Variants in PPP2R2C observed in about 807,000 individuals in gnomAD.
PPP2R2C encodes the protein protein phosphatase 2 regulatory subunit Bgamma.
Under a neutral mutation model 45.3 loss-of-function variants are expected in PPP2R2C, and 10 were observed. The ratio of observed to expected loss-of-function variants is 0.22; its 90% CI spans 0.14 to 0.37. The LOEUF (loss-of-function observed/expected upper bound fraction) is 0.37. Ranked by LOEUF, PPP2R2C falls within the 10% of genes least tolerant of loss-of-function variation. The pLI is 1.00. For missense variants in PPP2R2C, 308 were observed against 619.7 expected, an observed-to-expected ratio of 0.50 and a Z score of 5.34; for synonymous variants, 257 against 245.4, an observed-to-expected ratio of 1.05 and a Z score of -0.44.
At position 6,329,452 on chromosome 4, in the gene PPP2R2C, T is replaced by C; in HGVS notation, c.961-99A>G. Reference sequence around the variant, plus strand: ...AAGAGCAGCGAGGGTCTGCATGCCCTGACATGGCCCAGCGCAGACCTGCTC... The same window carrying C: ...AAGAGCAGCGAGGGTCTGCATGCCCCGACATGGCCCAGCGCAGACCTGCTC... On this transcript the variant is annotated intron_variant, in intron 7 of 8. Coordinates refer to ENST00000382599, the MANE Select transcript of PPP2R2C (RefSeq NM_020416.4). The surrounding 1 kb of genome is among the most constrained non-coding windows in gnomAD (Gnocchi z 5.8). The C allele has an allele frequency of 9.8e-7, 1 of 1,018,732 alleles. No individual in the cohort carries two copies. Among genetic ancestry groups the C allele is most frequent in the South Asian group, 1.3e-5 (1 of 74,598 alleles). 63.1% of individuals were successfully genotyped at this position (1,018,732 alleles called of 1,614,324 possible).
intron 2 of PPP2R2C, among the ~76,000 whole-genome samples, chr4:6,480,533 T>C (rs1241344811): frequency 6.6e-6 from 1 of 152,244 alleles, no homozygotes; most frequent in Non-Finnish European, 1.5e-5. Flanking sequence ...ATACCATTAA[T>C]GTATTATTTC....
intron 1 of PPP2R2C, among the ~76,000 whole-genome samples, chr4:6,428,719 CCAGGGGCTGGA>C (rs1719463811): frequency 6.6e-6 from 1 of 152,240 alleles, no homozygotes; most frequent in South Asian, 2.1e-4. Context: ...ATACCACCCA[CCAGGGGCTGGA>C]CCCCTTGCTG....
At chr4:6,453,233 G>A (rs190943266) in intron 1 of PPP2R2C, among the ~76,000 whole-genome samples, 5 of 152,262 alleles carry the variant, frequency 3.3e-5, no homozygotes, top group East Asian at 1.9e-4. Context: ...AGGGCCCACC[G>A]CAGGTCACAA....
rs77669605 is a variant in PPP2R2C, at chr4:6,426,542, T to C, written c.71-45448A>G. Among the ~76,000 whole-genome samples, 1,283 of 152,342 alleles carry C rather than the reference T, an allele frequency of 8.4e-3. 18 individuals are homozygous for C. The highest frequency in any genetic ancestry group is 0.029 in the African/African-American group (1,204 of 41,576). On this transcript the variant is annotated intron_variant, in intron 1 of 8. Transcript: ENST00000382599. Reference sequence around the variant, plus strand: ...GAAATGTGTAATCACTGGAGATATTTACACCTGCATGGCAATTGTGGTCCT... The same window carrying C: ...GAAATGTGTAATCACTGGAGATATTCACACCTGCATGGCAATTGTGGTCCT...
Position 6,550,378 on chromosome 4 carries a change from G to GC in PPP2R2C, c.-59+13181dup, listed in dbSNP as rs529097034. Among the ~76,000 whole-genome samples the GC allele has an allele frequency of 2.0e-5, 3 of 152,146 alleles. No homozygotes were observed. The South Asian group carries it at 6.2e-4, about 32-fold the overall frequency. On this transcript the variant is annotated intron_variant, in intron 1 of 9. Coordinates refer to the PPP2R2C transcript ENST00000506140. ...CAAGACACCCCCACTACCCTCTGCA[G>GC]CCTCAGCTCTCACTGCTTCCTCCCG...
At chr4:6,403,152 AC>A (rs1377298136) in intron 1 of PPP2R2C, among the ~76,000 whole-genome samples, 3 of 152,206 alleles carry the variant, frequency 2.0e-5, no homozygotes, top group Admixed American at 2.0e-4. Flanking sequence ...GTGCCTCCCC[AC>A]GTGGGTGGGA....
chr4:6,411,318 G>C (rs566317376), intron 1 of PPP2R2C, among the ~76,000 whole-genome samples: 23 of 152,272 alleles, frequency 1.5e-4, no homozygotes, highest in African/African-American at 5.5e-4. Flanking sequence ...CCCACTAGGA[G>C]GACCCTGCTG....
chr4:6,361,004 T>G (rs775409450), intron 5 of PPP2R2C, among the ~76,000 whole-genome samples: 2 of 152,212 alleles, frequency 1.3e-5, no homozygotes, highest in African/African-American at 2.4e-5. Flanking sequence ...GGGTCTACCC[T>G]GCCAGCCTTA....
chr4:6,554,969 GAAAGA>G (rs1445132243), intron 1 of PPP2R2C, among the ~76,000 whole-genome samples: 34 of 125,866 alleles, frequency 2.7e-4, no homozygotes, highest in South Asian at 5.5e-4. Flanking sequence ...GAAAGAAAGA[GAAAGA>G]AAGAAAAGAG....
intron 2 of PPP2R2C, among the ~76,000 whole-genome samples, chr4:6,519,615 A>C (rs868489522): frequency 6.6e-5 from 10 of 152,206 alleles, no homozygotes; most frequent in African/African-American, 2.4e-4. Context: ...AGGCATGTAC[A>C]TTCAGCCCCA....
At chr4:6,333,333 G>T (rs1374076786) in intron 7 of PPP2R2C, among the ~76,000 whole-genome samples, 1 of 152,192 alleles carries the variant, frequency 6.6e-6, no homozygotes, top group East Asian at 1.9e-4. Context: ...GCCCTGGACT[G>T]CAGGCCTTGC....
At chr4:6,355,710 G>A (rs1463861771) in intron 5 of PPP2R2C, among the ~76,000 whole-genome samples, 2 of 152,120 alleles carry the variant, frequency 1.3e-5, no homozygotes, top group South Asian at 2.1e-4. Flanking sequence ...TGCTGTGCTG[G>A]CCGGGCATGG....
chr4:6,408,371 T>C (rs1300523453), intron 1 of PPP2R2C, among the ~76,000 whole-genome samples: 1 of 152,166 alleles, frequency 6.6e-6, no homozygotes, highest in Non-Finnish European at 1.5e-5. Flanking sequence ...CTTCACTGCA[T>C]GATCACATCC....
intron 1 of PPP2R2C, among the ~76,000 whole-genome samples, chr4:6,390,950 G>C (rs1280931776): frequency 1.3e-5 from 2 of 152,192 alleles, no homozygotes; most frequent in African/African-American, 4.8e-5. Flanking sequence ...GGTGGAGATG[G>C]GGCAGCTCCC....
rs971345260 is a variant in PPP2R2C at position 6,383,172 on chromosome 4, C to T, written c.71-2078G>A. On this transcript the variant is annotated intron_variant, in intron 1 of 8. Coordinates refer to ENST00000382599, the MANE Select transcript of PPP2R2C (RefSeq NM_020416.4). ...TCAACGCCTCTGGCGGTACCAGGAG[C>T]AGGACCTGCGCAGGCTGGCCCACTG... 8.5e-6 allele frequency: 10 copies of T among 1,176,026 alleles called. No individual in the cohort carries two copies. In the South Asian group the frequency reaches 1.6e-4, roughly 19 times the overall value. The allele number at this position is 1,176,026 out of a possible 1,614,324, so 72.8% of individuals were successfully genotyped here.
chr4:6,408,689 A>G (rs1717961891), intron 1 of PPP2R2C, among the ~76,000 whole-genome samples: 1 of 152,052 alleles, frequency 6.6e-6, no homozygotes, highest in Non-Finnish European at 1.5e-5. Flanking sequence ...GGGCCTGGGA[A>G]TCTGAATTTT....
chr4:6,350,481 G>A, intron 5 of PPP2R2C: 1 of 985,484 alleles, frequency 1.0e-6, no homozygotes, highest in Non-Finnish European at 1.2e-6. Flanking sequence ...GCCACAGGAG[G>A]CTTGGTGGCA....
At chr4:6,482,455 G>A (rs1024510804) in intron 2 of PPP2R2C, among the ~76,000 whole-genome samples, 10 of 152,122 alleles carry the variant, frequency 6.6e-5, no homozygotes, top group African/African-American at 2.4e-4. Context: ...GAAAGGGCTG[G>A]TACATCTTTT....
At position 6,368,814 on chromosome 4, in the gene PPP2R2C, T is replaced by A. The variant is rs1332636791; in HGVS notation, c.625+3709A>T. On this transcript the variant is annotated intron_variant, in intron 5 of 8. Transcript: ENST00000382599. The surrounding 1 kb of genome is among the most constrained non-coding windows in gnomAD (Gnocchi z 4.2). Reference sequence around the variant, plus strand: ...AAGCCGCCAGCCTTGTCTGCTGGAATCCAATCCACCCACGACACACACCCA... The same window carrying A: ...AAGCCGCCAGCCTTGTCTGCTGGAAACCAATCCACCCACGACACACACCCA... Among the ~76,000 whole-genome samples the A allele has an allele frequency of 6.6e-6, 1 of 152,152 alleles. No homozygotes were observed.
Sources: gnomAD v4.1 joint callset for allele counts (sites outside exome capture counted in the v4.1 genomes callset) on GRCh38, gnomAD v4.1.1 for gene constraint, Gnocchi (gnomAD v3.1) non-coding constraint, MANE v1.5 for transcripts, NCBI Gene and HGNC (gene_info 2026-07-23, HGNC 2026-07-21) for gene names.